The following CEP89 variants were observed in gnomAD, a reference collection of about 807,000 sequenced individuals.
CEP89 encodes centrosomal protein 89, also known as centrosomal protein of 89 kDa.
In CEP89, 95 loss-of-function variants were observed where a neutral mutation model predicts 97.6. That is an observed-to-expected ratio of 0.97 (90% confidence interval 0.82 to 1.15). CEP89 has a LOEUF of 1.15. CEP89 is among the 50% of genes most tolerant of loss of function. CEP89 has a pLI of 0.00. For synonymous variants in CEP89, 354 were observed against 349.1 expected, an observed-to-expected ratio of 1.01 and a Z score of -0.16; for missense variants, 869 against 947.7, an observed-to-expected ratio of 0.92 and a Z score of 1.09.
At position 32,915,376 on chromosome 19, in the gene CEP89, G is replaced by A. The variant is rs772206773; in HGVS notation, c.1526C>T (p.Ala509Val). 6.2e-7 allele frequency: 1 copy of A among 1,610,136 alleles called. No homozygotes were observed. The highest frequency in any genetic ancestry group is 8.5e-7 in the Non-Finnish European group (1 of 1,178,844). Residue 509 changes from alanine to valine, a missense_variant, in exon 14 of 19, where the codon GCA becomes GTA. Transcript: ENST00000305768. The part of the protein sequence containing the change: ...ELKTHSDGKI[A>V]VEVHKSIVNE... Reference sequence around the variant, plus strand: ...CACAATTGATTTATGAACTTCCACTGCGATTTTGCCATCCGAGTGTGTTTT... The same window carrying A: ...CACAATTGATTTATGAACTTCCACTACGATTTTGCCATCCGAGTGTGTTTT...
At chr19:32,916,170 C>T (rs897432265) in intron 13 of CEP89, among the ~76,000 whole-genome samples, 2 of 151,512 alleles carry the variant, frequency 1.3e-5, no homozygotes, top group Non-Finnish European at 2.9e-5. Flanking sequence ...CCCAGATATC[C>T]GGGAGGCTGA....
intron 6 of CEP89, among the ~76,000 whole-genome samples, chr19:32,938,192 G>C (rs1307105582): frequency 6.6e-6 from 1 of 152,086 alleles, no homozygotes; most frequent in Non-Finnish European, 1.5e-5. Flanking sequence ...AGGAAGTCCT[G>C]CCTGAGCTTT....
intron 10 of CEP89, 34 bp downstream of exon 10, chr19:32,926,900 A>T (rs369161238): frequency 1.9e-6 from 3 of 1,599,234 alleles, no homozygotes; most frequent in Non-Finnish European, 1.7e-6. Flanking sequence ...ATACCCTGAA[A>T]ATATGGGCCT....
intron 14 of CEP89, among the ~76,000 whole-genome samples, chr19:32,913,792 C>G (rs1467885802): frequency 6.6e-6 from 1 of 151,934 alleles, no homozygotes; most frequent in East Asian, 1.9e-4. Flanking sequence ...GTGCCTGCCA[C>G]CATGCCTGGC....
intron 2 of CEP89, among the ~76,000 whole-genome samples, chr19:32,960,793 G>A (rs1023604660): frequency 6.7e-6 from 1 of 148,282 alleles, no homozygotes; most frequent in Non-Finnish European, 1.5e-5. Flanking sequence ...CTGGGCAACA[G>A]AGCAAGTCTC....
In CEP89 at chr19:32,904,270, G is replaced by A. The variant is rs181826897; in HGVS notation, c.1566-2858C>T. 9.7e-4 allele frequency among the ~76,000 whole-genome samples: 148 copies of A among 152,224 alleles called. 1 individual carries two copies. The highest frequency in any genetic ancestry group is 3.4e-3 in the African/African-American group (140 of 41,538). On this transcript the variant is annotated intron_variant, in intron 14 of 18. Transcript: ENST00000305768. The stretch of plus-strand genomic sequence containing the variant: ...AAAAGAAGCCTCAGAGAAAACACAC[G>A]TTATCTTCAGAAGAATACAGATAAC...
rs1355363368 is a variant in CEP89, at chr19:32,936,338, G to T, written c.667+1293C>A. ...GAGCACAGGAGGGAAAGACAAGGGGGTGCTGAGGATGGCTCTGCACTGGCC... is the reference window on the plus strand; with the variant it reads ...GAGCACAGGAGGGAAAGACAAGGGGTTGCTGAGGATGGCTCTGCACTGGCC... On this transcript the variant is annotated intron_variant, in intron 7 of 18. Transcript: ENST00000305768. This position sits in a 1 kb window ranked among gnomAD's most constrained non-coding sequence, Gnocchi z 4.5. Among the ~76,000 whole-genome samples the T allele has an allele frequency of 1.3e-5, 2 of 152,184 alleles. No homozygotes were observed. Among genetic ancestry groups the T allele is most frequent in the African/African-American group, 4.8e-5 (2 of 41,462 alleles).
In CEP89 at chr19:32,879,212, C is replaced by A; in HGVS notation, c.2302G>T (p.Gly768Cys). ...NGVSQADLLD[G>C]CDVCSYDLKS... ...AGGTCATAGGAGCAGACATCGCAGCCGTCCAGCAGGTCTGCCTGAGAGACG... is the reference window on the plus strand; with the variant it reads ...AGGTCATAGGAGCAGACATCGCAGCAGTCCAGCAGGTCTGCCTGAGAGACG... Residue 768 changes from glycine (G) to cysteine (C), a missense_variant, in exon 19 of 19, where the codon GGC becomes TGC. Physicochemically the swap from Gly to Cys is radical, Grantham distance 159. Coordinates refer to ENST00000305768, the MANE Select transcript of CEP89 (RefSeq NM_032816.5). The A allele has an allele frequency of 6.2e-7, 1 of 1,614,062 alleles. No individual in the cohort carries two copies. Among genetic ancestry groups the A allele is most frequent in the Non-Finnish European group, 8.5e-7 (1 of 1,179,994 alleles).
chr19:32,908,710 T>C (rs185042323), intron 14 of CEP89, among the ~76,000 whole-genome samples: 140 of 152,338 alleles, frequency 9.2e-4, no homozygotes, highest in African/African-American at 3.3e-3. Flanking sequence ...CCTTCCCATG[T>C]TGGCATCATA....
chr19:32,905,896 T>C (rs933407915), intron 14 of CEP89, among the ~76,000 whole-genome samples: 10 of 152,292 alleles, frequency 6.6e-5, no homozygotes, highest in African/African-American at 2.4e-4. Flanking sequence ...GTTTTTAAAT[T>C]TATGGCAGAG....
chr19:32,884,027 A>C (rs953362960), intron 17 of CEP89, among the ~76,000 whole-genome samples: 3 of 152,214 alleles, frequency 2.0e-5, no homozygotes, highest in Admixed American at 6.5e-5. Flanking sequence ...GCTGGAGTGC[A>C]GTGGCTGTTA....
intron 2 of CEP89, among the ~76,000 whole-genome samples, chr19:32,965,609 C>G (rs1971264380): frequency 6.8e-6 from 1 of 147,684 alleles, no homozygotes; most frequent in African/African-American, 2.5e-5. Context: ...GATGGGAGAA[C>G]TGATTGAGCC....
chr19:32,882,890 G>A (rs1169599796), intron 17 of CEP89, among the ~76,000 whole-genome samples: 1 of 151,548 alleles, frequency 6.6e-6, no homozygotes, highest in Non-Finnish European at 1.5e-5. Context: ...GCAGAGTCTT[G>A]CTCTGTGGCC....
At chr19:32,901,597 C>T (rs924562221) in intron 14 of CEP89, among the ~76,000 whole-genome samples, 185 bp from the exon 15 acceptor site, 1 of 151,950 alleles carries the variant, frequency 6.6e-6, no homozygotes, top group South Asian at 2.1e-4. Flanking sequence ...AGCTGCTAGA[C>T]CACCGGAGAG....
intron 11 of CEP89, among the ~76,000 whole-genome samples, chr19:32,925,636 G>A (rs1754505115): frequency 6.6e-6 from 1 of 151,820 alleles, no homozygotes; most frequent in Non-Finnish European, 1.5e-5. Flanking sequence ...TTACAGGTAC[G>A]TGCCACCACA....
chr19:32,926,374 CT>C, intron 10 of CEP89, 101 bp from the exon 11 acceptor site: 1 of 839,050 alleles, frequency 1.2e-6, no homozygotes, highest in Non-Finnish European at 1.9e-6. Flanking sequence ...GAAATGGTTT[CT>C]TTGGTTGCAG....
Position 32,885,555 on chromosome 19 carries a change from C to A in CEP89, c.1965+2197G>T, listed in dbSNP as rs140581747. Among the ~76,000 whole-genome samples the A allele has an allele frequency of 4.1e-3, 631 of 152,268 alleles. 5 individuals carry two copies. The highest frequency in any genetic ancestry group is 0.014 in the Middle Eastern group (4 of 294). ...CAGGCTGGTCTCAGACTCCTGGGCT[C>A]AAGTGATCTGCCTGCCTTGGCCTCC... is the stretch of plus-strand genomic sequence containing the variant. On this transcript the variant is annotated intron_variant, in intron 17 of 18. Coordinates refer to ENST00000305768, the MANE Select transcript of CEP89 (RefSeq NM_032816.5).
intron 17 of CEP89, among the ~76,000 whole-genome samples, chr19:32,884,724 C>T (rs1415748506): frequency 6.6e-6 from 1 of 152,000 alleles, no homozygotes; most frequent in African/African-American, 2.4e-5. Context: ...GCTATCAAGC[C>T]CGGCTAATTT....
At chr19:32,968,266 T>C (rs575924500) in intron 1 of CEP89, among the ~76,000 whole-genome samples, 69 of 152,152 alleles carry the variant, frequency 4.5e-4, no homozygotes, top group Admixed American at 1.6e-3. Flanking sequence ...GTTTGCTTGT[T>C]TTGGAGACAG....
Sources: allele counts gnomAD v4.1 joint callset (sites outside exome capture counted in the v4.1 genomes callset), GRCh38; gene constraint gnomAD v4.1.1; non-coding constraint Gnocchi (gnomAD v3.1); transcripts MANE v1.5; gene names NCBI Gene and HGNC (gene_info 2026-07-23, HGNC 2026-07-21).